Variants in SEMA5A observed in about 807,000 individuals in gnomAD.
The protein encoded by SEMA5A is semaphorin-5A.
In SEMA5A, 55 loss-of-function variants were observed where a neutral mutation model predicts 135.5. The ratio of observed to expected loss-of-function variants is 0.41; its 90% CI spans 0.33 to 0.51. The LOEUF (loss-of-function observed/expected upper bound fraction) is 0.51, where lower values mean the gene tolerates loss of function less well. SEMA5A is among the 20% of genes least tolerant of loss of function. The pLI, the probability that SEMA5A is intolerant of heterozygous loss-of-function variation, is 0.37. For synonymous variants in SEMA5A, 580 were observed against 546.5 expected (o/e 1.06, Z -0.85); for missense variants, 1,290 against 1,419.9 (o/e 0.91, Z 1.47).
chr5:9,297,151 TA>T (rs1222380118), intron 5 of SEMA5A, among the ~76,000 whole-genome samples: 1 of 151,816 alleles, frequency 6.6e-6, no homozygotes, highest in Non-Finnish European at 1.5e-5. Context: ...AAATTCAACC[TA>T]AAAAAATACA....
chr5:9,416,800 C>T (rs375494390), intron 2 of SEMA5A, among the ~76,000 whole-genome samples: 7 of 152,106 alleles, frequency 4.6e-5, no homozygotes, highest in South Asian at 2.1e-4. Flanking sequence ...GGGGATACTA[C>T]GGGTATCTGT....
chr5:9,367,259 T>A (rs1326949248), intron 3 of SEMA5A: 2 of 152,236 alleles, frequency 1.3e-5, no homozygotes, highest in Non-Finnish European at 2.9e-5. Context: ...CAATACAGAA[T>A]ATGAGCATTT....
At chr5:9,324,996 T>C (rs745869542) in intron 4 of SEMA5A, among the ~76,000 whole-genome samples, 25 of 152,188 alleles carry the variant, frequency 1.6e-4, no homozygotes, top group Non-Finnish European at 3.1e-4. Flanking sequence ...CACCCCTAGA[T>C]GTAAATAGGT....
At chr5:9,282,459 A>G (rs1328275687) in intron 5 of SEMA5A, among the ~76,000 whole-genome samples, 3 of 152,180 alleles carry the variant, frequency 2.0e-5, no homozygotes, top group African/African-American at 7.2e-5. Flanking sequence ...AAAAGCAATA[A>G]CTTGCCCATT....
intron 2 of SEMA5A, among the ~76,000 whole-genome samples, chr5:9,415,117 T>G (rs773625522): frequency 4.6e-5 from 7 of 152,220 alleles, no homozygotes; most frequent in Non-Finnish European, 8.8e-5. Flanking sequence ...TTGACTCAAA[T>G]TAATCAAAAA....
chr5:9,177,962 T>C (rs1311768977), intron 11 of SEMA5A, among the ~76,000 whole-genome samples: 2 of 152,344 alleles, frequency 1.3e-5, no homozygotes, highest in Non-Finnish European at 2.9e-5. Context: ...TGGCAGAACT[T>C]ATAATAAATT....
chr5:9,290,116 T>G (rs1375707344), intron 5 of SEMA5A, among the ~76,000 whole-genome samples: 2 of 152,176 alleles, frequency 1.3e-5, no homozygotes, highest in East Asian at 1.9e-4. Context: ...AATAAGTTTT[T>G]TCGTGGTGAT....
At chr5:9,326,942 A>G (rs1022649466) in intron 4 of SEMA5A, among the ~76,000 whole-genome samples, 4 of 152,328 alleles carry the variant, frequency 2.6e-5, no homozygotes, top group East Asian at 1.9e-4. Flanking sequence ...TAATTCACCA[A>G]TTCACCAGCA....
chr5:9,259,619 T>C (rs1442267054), intron 5 of SEMA5A, among the ~76,000 whole-genome samples: 1 of 152,102 alleles, frequency 6.6e-6, no homozygotes. Context: ...GTTGACTTTC[T>C]GTCTCCCTGC....
At chr5:9,147,384 T>C (rs1469729568) in intron 12 of SEMA5A, among the ~76,000 whole-genome samples, 5 of 152,134 alleles carry the variant, frequency 3.3e-5, no homozygotes. Flanking sequence ...GCGATTCTCC[T>C]GCCTCAGCCT....
rs1406215327 is a variant in SEMA5A at position 9,204,020 on chromosome 5, A to C, written c.647-1780T>G. On this transcript the variant is annotated intron_variant, in intron 8 of 22. Transcript: ENST00000382496. The surrounding 1 kb of genome is among the most constrained non-coding windows in gnomAD (Gnocchi z 6.4). ...TCTGTGTTTACTGTAAGTCTCCAAA[A>C]CAGAATTACCTGATGAAGCAGGCCC... is the stretch of plus-strand genomic sequence containing the variant. Among the ~76,000 whole-genome samples, 4 of 152,138 alleles carry C rather than the reference A, an allele frequency of 2.6e-5. No individual in the cohort carries two copies. The highest frequency in any genetic ancestry group is 2.6e-4 in the Admixed American group (4 of 15,262).
chr5:9,156,834 A>G (rs1233218243), intron 11 of SEMA5A, among the ~76,000 whole-genome samples: 1 of 152,258 alleles, frequency 6.6e-6, no homozygotes, highest in Non-Finnish European at 1.5e-5. Context: ...TGCCCAAATT[A>G]ACAACAGTCC....
At position 9,037,872 on chromosome 5, in the gene SEMA5A, G is replaced by A. The variant is rs766087755; in HGVS notation, c.*5025C>T. The A allele has an allele frequency of 2.0e-5, 3 of 152,072 alleles. No homozygotes were observed. Among genetic ancestry groups the A allele is most frequent in the Non-Finnish European group, 4.4e-5 (3 of 68,018 alleles). The allele number at this position is 152,072 out of a possible 1,614,324, so 9.4% of individuals were successfully genotyped here. ...GCAGAATAGCAGAAATAAATTTCAC[G>A]ATGATCCCCTGTCCCCAAACATTTT... On this transcript the variant is annotated 3_prime_UTR_variant, in exon 23 of 23. Transcript: ENST00000382496.
At chr5:9,468,194 A>C (rs1294682328) in intron 1 of SEMA5A, among the ~76,000 whole-genome samples, 2 of 152,196 alleles carry the variant, frequency 1.3e-5, no homozygotes, top group East Asian at 3.9e-4. Flanking sequence ...CTTGTGACAG[A>C]AGCAGGCATT....
chr5:9,519,940 C>T lies in SEMA5A; in HGVS notation c.-175+25644G>A, dbSNP rs1736729300. 3 of 152,192 alleles carry T rather than the reference C, an allele frequency of 2.0e-5. 1 individual carries two copies. Among genetic ancestry groups the T allele is most frequent in the Admixed American group, 1.3e-4 (2 of 15,282 alleles). The allele number at this position is 152,192 out of a possible 1,614,324, so 9.4% of individuals were successfully genotyped here. A position where few individuals can be genotyped will look rare whatever the true frequency, so the allele number is the denominator to read the frequency against. On this transcript the variant is annotated intron_variant, in intron 1 of 22. Coordinates refer to ENST00000382496, the MANE Select transcript of SEMA5A (RefSeq NM_003966.3). ...ACAATGTGCTTCTGAAACATTGTCA[C>T]AACACATACAATAACCAAAAGTTTA...
chr5:9,409,150 CT>C (rs1169277251), intron 2 of SEMA5A, among the ~76,000 whole-genome samples: 2 of 152,170 alleles, frequency 1.3e-5, no homozygotes, highest in African/African-American at 4.8e-5. Context: ...CCTTGGCCCC[CT>C]GGCTAATCAT....
At chr5:9,181,282 T>G (rs1448125600) in intron 11 of SEMA5A, among the ~76,000 whole-genome samples, 1 of 152,140 alleles carries the variant, frequency 6.6e-6, no homozygotes, top group East Asian at 1.9e-4. Flanking sequence ...AAAGCCACAT[T>G]CATAGGTTCA....
intron 5 of SEMA5A, among the ~76,000 whole-genome samples, chr5:9,244,085 T>C (rs1748354913): frequency 6.6e-6 from 1 of 152,176 alleles, no homozygotes; most frequent in Non-Finnish European, 1.5e-5. Context: ...ATTTGCCTAA[T>C]GAAACTCTAA....
intron 12 of SEMA5A, among the ~76,000 whole-genome samples, chr5:9,138,143 A>G (rs1329066656): frequency 6.6e-6 from 1 of 152,210 alleles, no homozygotes; most frequent in Non-Finnish European, 1.5e-5. Context: ...TGTATGAAAC[A>G]ACTACCTGTT....
Sources: allele counts gnomAD v4.1 joint callset (sites outside exome capture counted in the v4.1 genomes callset), GRCh38; gene constraint gnomAD v4.1.1; non-coding constraint Gnocchi (gnomAD v3.1); transcripts MANE v1.5; gene names NCBI Gene and HGNC (gene_info 2026-07-23, HGNC 2026-07-21).